The following CEP162 variants were observed in gnomAD, a reference collection of about 807,000 sequenced individuals.
CEP162 encodes centrosomal protein of 162 kDa.
A neutral mutation model predicts 169.2 loss-of-function variants in CEP162; 141 were observed. The ratio of observed to expected loss-of-function variants is 0.83; its 90% confidence interval spans 0.73 to 0.96. The LOEUF is 0.96. Ranked by LOEUF, CEP162 falls within the 40% of genes least tolerant of loss-of-function variation. The pLI is 0.00. For synonymous variants in CEP162, 540 were observed against 526.4 expected (o/e 1.03, Z -0.35); for missense variants, 1,600 against 1,587.2 (o/e 1.01, Z -0.14).
chr6:84,208,680 G>T (rs530646739), intron 6 of CEP162, among the ~76,000 whole-genome samples: 1 of 152,336 alleles, frequency 6.6e-6, no homozygotes, highest in Admixed American at 6.5e-5. Context: ...AACTTAGGTA[G>T]ATAAACTAGG....
At chr6:84,163,300 G>GT (rs1562030019) in intron 18 of CEP162, 30 bp from the exon 19 acceptor site, 1 of 1,522,710 alleles carries the variant, frequency 6.6e-7, no homozygotes, top group Admixed American at 1.8e-5. Flanking sequence ...ATAAAAGCAA[G>GT]TTTTTTACAA....
chr6:84,157,500 C>G (rs1377965109), intron 21 of CEP162, among the ~76,000 whole-genome samples: 1 of 152,092 alleles, frequency 6.6e-6, no homozygotes, highest in Non-Finnish European at 1.5e-5. Context: ...TGGTGACACC[C>G]TGTCTCTACT....
At chr6:84,141,889 A>AAACTT (rs1220634210) in intron 25 of CEP162, among the ~76,000 whole-genome samples, 3 of 152,148 alleles carry the variant, frequency 2.0e-5, no homozygotes, top group East Asian at 1.9e-4. Flanking sequence ...AGGAAAAGAA[A>AAACTT]AACTTAAAAA....
At chr6:84,177,702 A>T (rs1488307858) in intron 13 of CEP162, among the ~76,000 whole-genome samples, 1 of 151,962 alleles carries the variant, frequency 6.6e-6, no homozygotes, top group Non-Finnish European at 1.5e-5. Flanking sequence ...TGTCCAGCAA[A>T]TTTTTTGTAT....
intron 1 of CEP162, 106 bp from the exon 2 acceptor site, chr6:84,226,558 T>A: frequency 1.7e-6 from 1 of 573,160 alleles, no homozygotes; most frequent in Non-Finnish European, 3.1e-6. Context: ...ATATGCACAA[T>A]TTTTTTTAAC....
In CEP162 at chr6:84,226,390, C is replaced by T. The variant is rs2099555764; in HGVS notation, c.4G>A (p.Ala2Thr). Residue 2 changes from alanine to threonine, a missense_variant, in exon 2 of 27, where the codon GCT becomes ACT. Transcript: ENST00000403245. ...TCTAGCTCTTCTTGGGAACAGTTAG[C>T]CATAGTCAACAATTTTGACCTCCCA... is the stretch of plus-strand genomic sequence containing the variant. The part of the protein sequence containing the change: M[A>T]NCSQEELDEE... 2.6e-6 allele frequency: 4 copies of T among 1,567,374 alleles called. No individual in the cohort carries two copies. Among genetic ancestry groups the T allele is most frequent in the Non-Finnish European group, 3.5e-6 (4 of 1,153,216 alleles).
chr6:84,213,011 C>G lies in CEP162; in HGVS notation c.517G>C (p.Ala173Pro). ...FKALHSNQAN[A>P]ELTDDEHENE... The stretch of plus-strand genomic sequence containing the variant: ...TCATGTTCGTCATCAGTTAGTTCTG[C>G]GTTGGCTTGATTACTGGAAAAAATA... Residue 173 changes from alanine (A) to proline (P), a missense_variant, in exon 6 of 27, where the codon GCA (alanine) becomes CCA (proline). By Grantham distance (27) the Ala-to-Pro change is conservative. Transcript: ENST00000403245. 3 of 1,545,530 alleles carry G rather than the reference C, an allele frequency of 1.9e-6. No homozygotes were observed. The highest frequency in any genetic ancestry group is 2.6e-6 in the Non-Finnish European group (3 of 1,140,994).
Position 84,186,627 on chromosome 6 carries a change from T to TA in CEP162, c.1110-5dup. 2.5e-6 allele frequency: 4 copies of TA among 1,593,824 alleles called. No homozygotes were observed. The highest frequency in any genetic ancestry group is 3.4e-6 in the Non-Finnish European group (4 of 1,172,744). ...TCTTTCGGCCACTTTCTCAGAGCTA[T>TA]AAAACAAAACAGGACACAGATAATG... is the stretch of plus-strand genomic sequence containing the variant. On this transcript the variant is annotated splice_polypyrimidine_tract_variant and splice_region_variant and intron_variant, in intron 11 of 26. Coordinates refer to ENST00000403245, the MANE Select transcript of CEP162 (RefSeq NM_014895.4).
intron 8 of CEP162, 33 bp from the exon 9 acceptor site, chr6:84,200,938 G>T: frequency 8.0e-7 from 1 of 1,257,784 alleles, no homozygotes; most frequent in South Asian, 1.2e-5. Flanking sequence ...TATAAGGAAT[G>T]TAGATAAACT....
intron 16 of CEP162, among the ~76,000 whole-genome samples, chr6:84,172,390 T>C (rs963152608): frequency 6.6e-6 from 1 of 152,172 alleles, no homozygotes. Context: ...CCTCCCTGGC[T>C]TATGAACCTG....
chr6:84,160,937 T>C, intron 20 of CEP162, 21 bp from the exon 21 acceptor site: 1 of 1,469,410 alleles, frequency 6.8e-7, no homozygotes, highest in Non-Finnish European at 9.5e-7. Context: ...ATAAATAACA[T>C]GTTAAGAAGC....
intron 10 of CEP162, among the ~76,000 whole-genome samples, chr6:84,194,656 G>C (rs1323003157): frequency 6.6e-6 from 1 of 151,956 alleles, no homozygotes. Context: ...GTTTCACCAT[G>C]TTGCCCAGGA....
chr6:84,219,035 CCTATGGCAACTGGGAAACAAGCA>C, intron 3 of CEP162: 1 of 382,572 alleles, frequency 2.6e-6, no homozygotes, highest in South Asian at 2.5e-5. Context: ...ACATTTTATT[CCTATGGCAACTGGGAAACAAGCA>C]AAATTATAAT....
At chr6:84,207,752 A>G (rs952746576) in intron 6 of CEP162, among the ~76,000 whole-genome samples, 2 of 152,126 alleles carry the variant, frequency 1.3e-5, no homozygotes, top group African/African-American at 4.8e-5. Flanking sequence ...ACATTTAATG[A>G]GAGTTCAATT....
chr6:84,196,811 G>A (rs7749913), intron 9 of CEP162, among the ~76,000 whole-genome samples: 3,674 of 152,254 alleles, frequency 0.024, 136 homozygotes, highest in African/African-American at 0.084. Flanking sequence ...GCCTTACAAT[G>A]AGATGTCTTT....
At chr6:84,175,071 A>C (rs2129222285) in intron 14 of CEP162, 117 bp from the exon 15 acceptor site, 1 of 909,274 alleles carries the variant, frequency 1.1e-6, no homozygotes. Flanking sequence ...TTATATAAGA[A>C]AATTAACTGT....
At chr6:84,130,737 T>C (rs1443051376) in intron 25 of CEP162, among the ~76,000 whole-genome samples, 2 of 152,110 alleles carry the variant, frequency 1.3e-5, no homozygotes, top group African/African-American at 4.8e-5. Context: ...GTCTATTTGA[T>C]TCTTCTCTCT....
In CEP162 at chr6:84,203,997, A is replaced by T; in HGVS notation, c.671T>A (p.Ile224Lys). The T allele has an allele frequency of 1.2e-6, 2 of 1,607,004 alleles. No individual in the cohort carries two copies. The highest frequency in any genetic ancestry group is 1.7e-6 in the Non-Finnish European group (2 of 1,176,594). ...PSKENSKSEKISVPKQEEEKT... is the reference protein window; with the variant it reads ...PSKENSKSEKKSVPKQEEEKT... Reference sequence around the variant, plus strand: ...TATATATACCTGTTTGGGCACACTTATTTTTTCTGATTTGGAATTCTCTTT... The same window carrying T: ...TATATATACCTGTTTGGGCACACTTTTTTTTTCTGATTTGGAATTCTCTTT... The change falls in exon 7 of 27, where the codon ATA becomes AAA. Residue 224 changes from isoleucine to lysine, a missense_variant. Transcript: ENST00000403245.
chr6:84,214,583 T>TA (rs1274241008), intron 5 of CEP162, among the ~76,000 whole-genome samples: 1 of 152,300 alleles, frequency 6.6e-6, no homozygotes, highest in South Asian at 2.1e-4. Context: ...CCACTGTCTA[T>TA]AAAAAACTAA....
Sources: gnomAD v4.1 joint callset for allele counts (sites outside exome capture counted in the v4.1 genomes callset) on GRCh38, gnomAD v4.1.1 for gene constraint, MANE v1.5 for transcripts, NCBI Gene and HGNC (gene_info 2026-07-23, HGNC 2026-07-21) for gene names.